The following GRID2IP variants were observed in gnomAD, a reference collection of about 807,000 sequenced individuals.
The protein encoded by GRID2IP is Grid2 interacting protein.
Under a neutral mutation model 114.3 loss-of-function variants are expected in GRID2IP, and 78 were observed. That is an observed-to-expected ratio of 0.68 (90% CI 0.57 to 0.82). GRID2IP has a LOEUF of 0.82. Ranked by LOEUF, GRID2IP falls within the 40% of genes least tolerant of loss-of-function variation. The probability of loss-of-function intolerance (pLI) is 0.00; values close to 1 mark genes in which losing one functional copy is unlikely to be tolerated. For synonymous variants in GRID2IP, 809 were observed against 724.0 expected (o/e 1.12, Z -1.89); for missense variants, 1,727 against 1,678.5 (o/e 1.03, Z -0.51).
At chr7:6,531,384 C>T (rs1006175067) in intron 2 of GRID2IP, among the ~76,000 whole-genome samples, 40 of 152,244 alleles carry the variant, frequency 2.6e-4, no homozygotes, top group African/African-American at 9.2e-4. Flanking sequence ...TTGGCTCTCT[C>T]CGTTATTCCC....
chr7:6,532,346 G>C lies in GRID2IP; in HGVS notation c.585-5577C>G, dbSNP rs536890536. 6.6e-6 allele frequency among the ~76,000 whole-genome samples: 1 copy of C among 152,074 alleles called. No individual in the cohort carries two copies. The highest frequency in any genetic ancestry group is 2.4e-5 in the African/African-American group (1 of 41,398). Reference sequence around the variant, plus strand: ...GGGAACAGGAGAGGCAAGATGCCCCGGGGACTTTCCCTCTGTCTCACTCAG... The same window carrying C: ...GGGAACAGGAGAGGCAAGATGCCCCCGGGACTTTCCCTCTGTCTCACTCAG... On this transcript the variant is annotated intron_variant, in intron 2 of 21. Transcript: ENST00000457091. The surrounding 1 kb of genome is among the most constrained non-coding windows in gnomAD (Gnocchi z 4.4).
intron 2 of GRID2IP, among the ~76,000 whole-genome samples, chr7:6,538,304 T>C (rs1779759983): frequency 6.6e-6 from 1 of 152,178 alleles, no homozygotes. Flanking sequence ...AGTTGGAGGC[T>C]GCAGTGAGCC....
At position 6,520,540 on chromosome 7, in the gene GRID2IP, C is replaced by A; in HGVS notation, c.1268+38G>T. On this transcript the variant is annotated intron_variant, in intron 7 of 21. Coordinates refer to ENST00000457091, the MANE Select transcript of GRID2IP (RefSeq NM_001145118.2). The surrounding 1 kb of genome is among the most constrained non-coding windows in gnomAD (Gnocchi z 4.6). ...GAGTCTAGGCAGGACTTAGGGCCCA[C>A]CCAGGGCAGGGCCCCACCGCGGCTT... 2 of 1,534,748 alleles carry A rather than the reference C, an allele frequency of 1.3e-6. No individual in the cohort carries two copies. The highest frequency in any genetic ancestry group is 1.8e-6 in the Non-Finnish European group (2 of 1,135,078).
intron 2 of GRID2IP, among the ~76,000 whole-genome samples, chr7:6,533,046 C>T (rs926513459): frequency 2.0e-5 from 3 of 152,206 alleles, no homozygotes; most frequent in Admixed American, 6.5e-5. Flanking sequence ...TACTTCTCAA[C>T]CAGTCGTGAT....
At chr7:6,499,502 C>T (rs554746898) in intron 20 of GRID2IP, among the ~76,000 whole-genome samples, 1 of 152,206 alleles carries the variant, frequency 6.6e-6, no homozygotes, top group East Asian at 1.9e-4. Context: ...ATGATCTCGG[C>T]TTACTGCAAT....
chr7:6,526,538 GC>G lies in GRID2IP; in HGVS notation c.815del (p.Gly272AlafsTer58). On this transcript the variant is annotated frameshift_variant, in exon 3 of 22. Coordinates refer to ENST00000457091, the MANE Select transcript of GRID2IP (RefSeq NM_001145118.2). LOFTEE classifies it high-confidence loss of function. This position sits in a 1 kb window ranked among gnomAD's most constrained non-coding sequence, Gnocchi z 7.6. ...CCGCGTACCTGCGCGCGCCCCCGGG[GC>G]CGGCGAGGCCGCCCACCAGCAAGGA... ...RASLLVGGLA[G>X]PGGARRTVRV... The G allele has an allele frequency of 1.6e-6, 2 of 1,226,910 alleles. No individual in the cohort carries two copies. The highest frequency in any genetic ancestry group is 2.0e-6 in the Non-Finnish European group (2 of 984,662). The allele number at this position is 1,226,910 out of a possible 1,614,324, so 76.0% of individuals were successfully genotyped here. A position where few individuals can be genotyped will look rare whatever the true frequency, so the allele number is the denominator to read the frequency against.
Position 6,531,522 on chromosome 7 carries a change from A to G in GRID2IP, c.585-4753T>C, listed in dbSNP as rs367696420. On this transcript the variant is annotated intron_variant, in intron 2 of 21. Coordinates refer to ENST00000457091, the MANE Select transcript of GRID2IP (RefSeq NM_001145118.2). ...GAACATGCAATATTTTCCGGAGGGG[A>G]TGCCCTTTACGCTGGGCCTCCAGGG... 2.2e-4 allele frequency among the ~76,000 whole-genome samples: 33 copies of G among 152,304 alleles called. No homozygotes were observed. The East Asian group carries it at 5.2e-3, about 24-fold the overall frequency.
chr7:6,502,960 A>G, intron 17 of GRID2IP, 48 bp downstream of exon 17: 1 of 1,548,318 alleles, frequency 6.5e-7, no homozygotes, highest in Non-Finnish European at 8.7e-7. Flanking sequence ...TGGAAGCCCC[A>G]GGAGGCAGAG....
chr7:6,550,980 G>GGCCC, intron 1 of GRID2IP, 28 bp downstream of exon 1: 2 of 550,068 alleles, frequency 3.6e-6, no homozygotes, highest in Non-Finnish European at 4.6e-6. Context: ...CCTCCTTCCC[G>GGCCC]CCCCCACCTC....
intron 7 of GRID2IP, 39 bp from the exon 8 acceptor site, chr7:6,514,568 G>A (rs367991065): frequency 1.6e-5 from 23 of 1,456,468 alleles, no homozygotes; most frequent in African/African-American, 5.6e-5. Context: ...CAATACTCAC[G>A]GGCTTACCAT....
rs768593905 is a variant in GRID2IP, at chr7:6,526,290, C to G, written c.853G>C (p.Gly285Arg). 1 of 1,551,994 alleles carries G rather than the reference C, an allele frequency of 6.4e-7. No individual in the cohort carries two copies. The highest frequency in any genetic ancestry group is 2.4e-5 in the East Asian group (1 of 40,908). ...GARRTVRVYK[G>R]NKSFGFTLRG... The stretch of plus-strand genomic sequence containing the variant: ...AGTGTGAAGCCGAAGCTCTTGTTGC[C>G]TTTGTAGACTCGGACAGTCCTGGGG... The change falls in exon 4 of 22, where the codon GGC becomes CGC. Residue 285 changes from glycine to arginine, a missense_variant. Gly to Arg is a moderately radical substitution (Grantham distance 125). Coordinates refer to ENST00000457091, the MANE Select transcript of GRID2IP (RefSeq NM_001145118.2). The surrounding 1 kb of genome is among the most constrained non-coding windows in gnomAD (Gnocchi z 7.6).
chr7:6,537,107 G>A (rs977194369), intron 2 of GRID2IP, among the ~76,000 whole-genome samples: 1 of 152,122 alleles, frequency 6.6e-6, no homozygotes, highest in Admixed American at 6.6e-5. Flanking sequence ...GGGATCCGGG[G>A]AGGGAGAACA....
chr7:6,542,471 T>G (rs867358349), intron 1 of GRID2IP, among the ~76,000 whole-genome samples: 2 of 152,090 alleles, frequency 1.3e-5, no homozygotes, highest in Non-Finnish European at 2.9e-5. Context: ...CTGGGCAACA[T>G]AGCATGACCC....
At chr7:6,539,420 C>T (rs1176970688) in intron 2 of GRID2IP, among the ~76,000 whole-genome samples, 2 of 152,186 alleles carry the variant, frequency 1.3e-5, no homozygotes, top group Non-Finnish European at 2.9e-5. Context: ...AGCCACCATG[C>T]CTGGCCAAGG....
At chr7:6,527,890 C>G (rs1399750784) in intron 2 of GRID2IP, among the ~76,000 whole-genome samples, 3 of 151,918 alleles carry the variant, frequency 2.0e-5, no homozygotes, top group Non-Finnish European at 4.4e-5. Context: ...TCCCGAGTAG[C>G]TGGGATTACA....
intron 8 of GRID2IP, among the ~76,000 whole-genome samples, chr7:6,512,802 C>T (rs532845644): frequency 1.3e-4 from 20 of 152,138 alleles, no homozygotes; most frequent in Non-Finnish European, 2.6e-4. Context: ...TGAGTCACCG[C>T]GCACGGCCAC....
At chr7:6,503,773 G>A (rs939006523) in intron 15 of GRID2IP, 86 bp from the exon 16 acceptor site, 6 of 1,019,440 alleles carry the variant, frequency 5.9e-6, no homozygotes, top group African/African-American at 5.1e-5. Flanking sequence ...GCAGAGGCGG[G>A]GAGAGGGCGG....
rs776862368 is a variant in GRID2IP at position 6,520,613 on chromosome 7, C to A, written c.1233G>T (p.Gly411=). Residue 411 remains glycine (G), a synonymous_variant, in exon 7 of 22, where the codon GGG becomes GGT. Transcript: ENST00000457091. The surrounding 1 kb of genome is among the most constrained non-coding windows in gnomAD (Gnocchi z 4.6). ...AGAAGCTCTCGAGGGCCCGGCAGAC[C>A]CCATAGCGCTCAGGAGGTGTGAGTA... ...EHLLTPPERY[G]VCRALESFFQ... 42 of 1,551,670 alleles carry A rather than the reference C, an allele frequency of 2.7e-5. No individual in the cohort carries two copies. In the South Asian group the frequency reaches 5.0e-4, roughly 18 times the overall value.
intron 15 of GRID2IP, 41 bp from the exon 16 acceptor site, chr7:6,503,728 C>G: frequency 7.3e-7 from 1 of 1,364,536 alleles, no homozygotes; most frequent in Non-Finnish European, 9.5e-7. Flanking sequence ...GGGGCCGGAG[C>G]GGGGCCGGAT....
Sources: gnomAD v4.1 joint callset for allele counts (sites outside exome capture counted in the v4.1 genomes callset) on GRCh38, gnomAD v4.1.1 for gene constraint, Gnocchi (gnomAD v3.1) non-coding constraint, MANE v1.5 for transcripts, NCBI Gene and HGNC (gene_info 2026-07-23, HGNC 2026-07-21) for gene names.